PDZD4: variants seen among roughly 807,000 people sequenced by gnomAD.
PDZD4 encodes PDZ domain containing 4, also known as PDZ domain-containing protein 4.
PDZD4 carries 9 observed loss-of-function variants against 38.5 expected under a neutral mutation model. The ratio of observed to expected loss-of-function variants is 0.23; its 90% CI spans 0.14 to 0.41. PDZD4 has a LOEUF of 0.41. Among genes scored for constraint, PDZD4 ranks in the 10% least tolerant of loss-of-function variants. The probability of loss-of-function intolerance (pLI) is 1.00; values close to 1 mark genes in which losing one functional copy is unlikely to be tolerated. For synonymous variants in PDZD4, 349 were observed against 315.7 expected (o/e 1.11, Z -1.12); for missense variants, 612 against 722.0 (o/e 0.85, Z 1.75).
At position 153,803,847 on chromosome X, in the gene PDZD4, C is replaced by T. The variant is rs782306740; in HGVS notation, c.1834G>A (p.Gly612Ser). Residue 612 changes from glycine to serine, a missense_variant, in exon 8 of 8, where the codon GGC (glycine) becomes AGC (serine). Physicochemically the swap from Gly to Ser is moderately conservative, Grantham distance 56. Around this residue, in one of 3 missense-constraint regions of PDZD4, gnomAD observed 300 missense variants for 284.6 expected, o/e 1.05. Coordinates refer to ENST00000393758, the MANE Select transcript of PDZD4 (RefSeq NM_001303512.2). ...GCCGCCACCCCGCCCACCCGAGGGC[C>T]ACCGGCCAAGCTCAGGGGGCCGTGG... is the stretch of plus-strand genomic sequence containing the variant. ...LGHGPLSLAGGPRVGGVAAAA... is the reference protein window; with the variant it reads ...LGHGPLSLAGSPRVGGVAAAA... 1.6e-5 allele frequency: 19 copies of T among 1,192,078 alleles called. No homozygotes were observed. In the South Asian group the frequency reaches 3.5e-4, roughly 22 times the overall value.
intron 1 of PDZD4, among the ~76,000 whole-genome samples, chrX:153,814,414 C>T (rs1238797202): frequency 9.2e-6 from 1 of 108,125 alleles, no homozygotes. Context: ...GTGGAGGCTG[C>T]AGTGAGCTGA....
At chrX:153,827,166 C>T (rs1295666516) in intron 1 of PDZD4, among the ~76,000 whole-genome samples, 1 of 112,270 alleles carries the variant, frequency 8.9e-6, no homozygotes, top group East Asian at 2.8e-4. Flanking sequence ...CCAACAAGCA[C>T]AAGAAAAGGT....
In PDZD4 at chrX:153,803,925, G is replaced by A. The variant is rs782552006; in HGVS notation, c.1756C>T (p.His586Tyr). The A allele has an allele frequency of 5.1e-6, 6 of 1,174,775 alleles. No individual in the cohort carries two copies. In the Admixed American group the frequency reaches 1.5e-4, roughly 29 times the overall value. Residue 586 changes from histidine (H) to tyrosine (Y), a missense_variant, in exon 8 of 8, where the codon CAC (histidine) becomes TAC (tyrosine). Around this residue, in one of 3 missense-constraint regions of PDZD4, gnomAD observed 300 missense variants for 284.6 expected, o/e 1.05. Coordinates refer to ENST00000393758, the MANE Select transcript of PDZD4 (RefSeq NM_001303512.2). ...GCCAGCTGCACGCAGCTGTGGTAGTGCTCGCCCTCCTGGCCCTGGCCGCGG... is the reference window on the plus strand; with the variant it reads ...GCCAGCTGCACGCAGCTGTGGTAGTACTCGCCCTCCTGGCCCTGGCCGCGG... ...RHRGQGQEGE[H>Y]YHSCVQLAPT...
Position 153,806,122 on chromosome X carries a change from G to C in PDZD4, c.516C>G (p.Asn172Lys). 1 of 1,211,730 alleles carries C rather than the reference G, an allele frequency of 8.3e-7. No homozygotes were observed. The highest frequency in any genetic ancestry group is 1.1e-6 in the Non-Finnish European group (1 of 895,395). ...TCCGGCCGTCTTTGGCTGCAATGCT[G>C]TTGGGATTTACCTGCAGGACACACG... ...LGIYVGEVNP[N>K]SIAAKDGRIR... is the part of the protein sequence containing the mutation. The change falls in exon 5 of 8, where the codon AAC (asparagine) becomes AAG (lysine). Residue 172 changes from asparagine (N) to lysine (K), a missense_variant. Transcript: ENST00000393758.
chrX:153,829,308 A>T lies in PDZD4; in HGVS notation c.60+931T>A, dbSNP rs910616372. ...CCTGCAAAGCACTTGATTCCTTCCC[A>T]GTCCAGACCAATAAACCCGGGAGTT... On this transcript the variant is annotated intron_variant, in intron 1 of 7. Transcript: ENST00000393758. Among the ~76,000 whole-genome samples the T allele has an allele frequency of 5.8e-5, 6 of 103,880 alleles. No individual in the cohort carries two copies. In the East Asian group the frequency reaches 1.6e-3, roughly 27 times the overall value. 90.2% of individuals were successfully genotyped at this position (103,880 alleles called of 115,157 possible).
At position 153,803,261 on chromosome X, in the gene PDZD4, GCACACA is replaced by G. The variant is rs781896560; in HGVS notation, c.*86_*91del. 2 of 578,716 alleles carry G rather than the reference GCACACA, an allele frequency of 3.5e-6. No individual in the cohort carries two copies. The highest frequency in any genetic ancestry group is 4.4e-5 in the East Asian group (1 of 22,728). The allele number at this position is 578,716 out of a possible 1,213,427, so 47.7% of individuals were successfully genotyped here. A position where few individuals can be genotyped will look rare whatever the true frequency, so the allele number is the denominator to read the frequency against. On this transcript the variant is annotated 3_prime_UTR_variant, in exon 8 of 8. Coordinates refer to ENST00000393758, the MANE Select transcript of PDZD4 (RefSeq NM_001303512.2). ...GTGCGCACAGCGAGCACGCGCGCGCGCACACACACACACACACAATCTCTATAGGAG... is the reference window on the plus strand; with the variant it reads ...GTGCGCACAGCGAGCACGCGCGCGCGCACACACACACAATCTCTATAGGAG...
At chrX:153,823,722 C>A (rs781971585) in intron 1 of PDZD4, among the ~76,000 whole-genome samples, 1 of 112,305 alleles carries the variant, frequency 8.9e-6, no homozygotes. Context: ...AGTGAGATCC[C>A]GGGGGACACA....
At position 153,804,269 on chromosome X, in the gene PDZD4, T is replaced by C; in HGVS notation, c.1412A>G (p.Lys471Arg). ...DISELPEKSD[K>R]DSTSAYNTGE... Reference sequence around the variant, plus strand: ...AGTGTTGTAGGCGCTGGTGCTGTCCTTGTCCGACTTCTCGGGCAGCTCGGA... The same window carrying C: ...AGTGTTGTAGGCGCTGGTGCTGTCCCTGTCCGACTTCTCGGGCAGCTCGGA... Residue 471 changes from lysine to arginine, a missense_variant, in exon 8 of 8, where the codon AAG becomes AGG. Lys to Arg is a conservative substitution (Grantham distance 26). This residue lies in a region of PDZD4 where 300 missense variants were observed against 284.6 expected (regional missense o/e 1.05). Transcript: ENST00000393758. 8.3e-7 allele frequency: 1 copy of C among 1,208,777 alleles called. No individual in the cohort carries two copies. The highest frequency in any genetic ancestry group is 1.1e-6 in the Non-Finnish European group (1 of 894,703).
At chrX:153,814,796 G>A (rs2064345408) in intron 1 of PDZD4, among the ~76,000 whole-genome samples, 2 of 110,949 alleles carry the variant, frequency 1.8e-5, no homozygotes, top group South Asian at 7.6e-4. Flanking sequence ...TCCTGACCAC[G>A]TGCTGGGCAT....
chrX:153,805,627 T>G lies in PDZD4; in HGVS notation c.568-21A>C, dbSNP rs782777662. 38 of 1,168,461 alleles carry G rather than the reference T, an allele frequency of 3.3e-5. 1 individual carries two copies. The highest frequency in any genetic ancestry group is 4.3e-5 in the Non-Finnish European group (37 of 859,420). The stretch of plus-strand genomic sequence containing the variant: ...TTAATCTGAGGCAGGCAGGATACAA[T>G]CAACAAGCATGCTAGGGCTGGCCCT... On this transcript the variant is annotated intron_variant, in intron 5 of 7. Transcript: ENST00000393758.
chrX:153,806,062 A>G lies in PDZD4; in HGVS notation c.567+9T>C. The G allele has an allele frequency of 9.1e-6, 11 of 1,211,476 alleles. No homozygotes were observed. The highest frequency in any genetic ancestry group is 1.2e-5 in the Non-Finnish European group (11 of 895,233). ...CCTTGGGCCAGGCCTGCAGCCTGCA[A>G]GTGCTCACCTGGATGATGCGGTCTC... On this transcript the variant is annotated intron_variant, in intron 5 of 7. Transcript: ENST00000393758.
chrX:153,804,636 CT>C lies in PDZD4; in HGVS notation c.1044del (p.Gly350AlafsTer63). 1 of 1,207,644 alleles carries C rather than the reference CT, an allele frequency of 8.3e-7. No individual in the cohort carries two copies. The highest frequency in any genetic ancestry group is 1.1e-6 in the Non-Finnish European group (1 of 893,248). ...DSLLAEGAGLGGGDVPGLTDE... is the reference protein window; with the variant it reads ...DSLLAEGAGLXGGDVPGLTDE... Reference sequence around the variant, plus strand: ...TCCGTGAGGCCCGGGACGTCGCCCCCTCCCAGCCCCGCCCCCTCGGCCAGCA... The same window carrying C: ...TCCGTGAGGCCCGGGACGTCGCCCCCCCCAGCCCCGCCCCCTCGGCCAGCA... On this transcript the variant is annotated frameshift_variant, in exon 8 of 8. Coordinates refer to ENST00000393758, the MANE Select transcript of PDZD4 (RefSeq NM_001303512.2). LOFTEE classifies it high-confidence loss of function.
At chrX:153,829,414 C>T (rs2064517397) in intron 1 of PDZD4, 1 of 111,925 alleles carries the variant, frequency 8.9e-6, no homozygotes, top group Non-Finnish European at 1.9e-5. Flanking sequence ...TCCACTTAGC[C>T]CTAGGAGGTC....
chrX:153,829,914 C>G, intron 1 of PDZD4: 1 of 819,419 alleles, frequency 1.2e-6, no homozygotes, highest in Non-Finnish European at 1.5e-6. Flanking sequence ...GCCTGGCTCC[C>G]TCCCCCGCCC....
At position 153,803,713 on chromosome X, in the gene PDZD4, G is replaced by A. The variant is rs1557075417; in HGVS notation, c.1968C>T (p.Ala656=). The change falls in exon 8 of 8, where the codon GCC becomes GCT. Residue 656 remains alanine, a synonymous_variant. Transcript: ENST00000393758. ...CGCTGCGCTCCTCCCGGATCTTCAG[G>A]GCACGGGCTTTCAGCAGCCGATCTC... ...PVRDRLLKAR[A]LKIREERSGM... 11 of 1,210,082 alleles carry A rather than the reference G, an allele frequency of 9.1e-6. No homozygotes were observed. The highest frequency in any genetic ancestry group is 1.2e-5 in the Non-Finnish European group (11 of 895,519).
At chrX:153,807,258 T>C in intron 3 of PDZD4, 21 bp downstream of exon 3, 1 of 1,204,269 alleles carries the variant, frequency 8.3e-7, no homozygotes, top group Non-Finnish European at 1.1e-6. Flanking sequence ...CTGCGGGCCC[T>C]GGCCTGGCCA....
intron 1 of PDZD4, among the ~76,000 whole-genome samples, chrX:153,821,566 G>A (rs1428833884): frequency 5.4e-5 from 6 of 111,132 alleles, no homozygotes; most frequent in African/African-American, 2.0e-4. Flanking sequence ...CCCTACCCAA[G>A]GCCCTGGCTA....
Position 153,804,102 on chromosome X carries a change from G to C in PDZD4, c.1579C>G (p.Pro527Ala). The change falls in exon 8 of 8, where the codon CCG becomes GCG. Residue 527 changes from proline to alanine, a missense_variant. Physicochemically the swap from Pro to Ala is conservative, Grantham distance 27. Coordinates refer to ENST00000393758, the MANE Select transcript of PDZD4 (RefSeq NM_001303512.2). ...GACCGGAACTTGGCGGGGCTCCCCG[G>C]TGGAGGAGCTGCCTTGGCGGGGGTG... is the stretch of plus-strand genomic sequence containing the variant. ...VATPAKAAPP[P>A]GSPAKFRSLS... The C allele has an allele frequency of 3.5e-6, 4 of 1,153,195 alleles. No individual in the cohort carries two copies. The highest frequency in any genetic ancestry group is 4.6e-6 in the Non-Finnish European group (4 of 869,788).
intron 4 of PDZD4, 122 bp from the exon 5 acceptor site, chrX:153,806,255 G>A: frequency 1.5e-6 from 1 of 686,159 alleles, no homozygotes; most frequent in Non-Finnish European, 2.3e-6. Context: ...TTCCAGCTCT[G>A]AGCCCCAGGA....
Sources: gnomAD v4.1 joint callset for allele counts (sites outside exome capture counted in the v4.1 genomes callset) on GRCh38, gnomAD v4.1.1 for gene constraint, gnomAD v4.1.1 regional missense constraint, MANE v1.5 for transcripts, NCBI Gene and HGNC (gene_info 2026-07-23, HGNC 2026-07-21) for gene names.